The following TET3 variants were observed in gnomAD, a reference collection of about 807,000 sequenced individuals.
TET3 encodes the protein tet methylcytosine dioxygenase 3.
Under a neutral mutation model 141.4 loss-of-function variants are expected in TET3, and 19 were observed. That is an observed-to-expected ratio of 0.13 (90% CI 0.09 to 0.20). TET3 has a LOEUF of 0.20. Ranked by LOEUF, TET3 falls within the 10% of genes least tolerant of loss-of-function variation. The pLI, the probability that TET3 is intolerant of heterozygous loss-of-function variation, is 1.00. For synonymous variants in TET3, 1,043 were observed against 980.9 expected (o/e 1.06, Z -1.18); for missense variants, 1,874 against 2,356.9 (o/e 0.80, Z 4.24).
In TET3 at chr2:74,046,629, G is replaced by C; in HGVS notation, c.712G>C (p.Gly238Arg). ...TCGTGAGGCTGGGAACAACAGCAGG[G>C]GACCCCGGCCAGGGCCTGAGGGCTG... ...MSREAGNNSR[G>R]PRPGPEGCSA... The change falls in exon 4 of 12, where the codon GGA (glycine) becomes CGA (arginine). Residue 238 changes from glycine to arginine, a missense_variant. By Grantham distance (125) the Gly-to-Arg change is moderately radical. Around this residue, in one of 10 missense-constraint regions of TET3, gnomAD observed 366 missense variants for 487.0 expected, o/e 0.75. Coordinates refer to ENST00000409262, the MANE Select transcript of TET3 (RefSeq NM_001287491.2). The surrounding 1 kb of genome is among the most constrained non-coding windows in gnomAD (Gnocchi z 4.3). 3.1e-6 allele frequency: 5 copies of C among 1,614,060 alleles called. No individual in the cohort carries two copies. Among genetic ancestry groups the C allele is most frequent in the Non-Finnish European group, 4.2e-6 (5 of 1,179,898 alleles).
intron 6 of TET3, 78 bp downstream of exon 6, chr2:74,080,669 C>A (rs1216216202): frequency 1.5e-6 from 2 of 1,328,570 alleles, no homozygotes; most frequent in Non-Finnish European, 1.0e-6. Context: ...GCCTGGTTCC[C>A]CTTGCTGCAT....
intron 2 of TET3, among the ~76,000 whole-genome samples, chr2:73,988,435 A>G (rs556491375): frequency 2.0e-5 from 3 of 152,304 alleles, no homozygotes; most frequent in African/African-American, 4.8e-5. Flanking sequence ...GCCCTTGTGA[A>G]CTAAGTTGAA....
At position 74,106,267 on chromosome 2, in the gene TET3, G is replaced by C. The variant is rs1026838682; in HGVS notation, c.*4091G>C. 2 of 152,228 alleles carry C rather than the reference G, an allele frequency of 1.3e-5. No individual in the cohort carries two copies. Among genetic ancestry groups the C allele is most frequent in the African/African-American group, 4.8e-5 (2 of 41,436 alleles). The allele number at this position is 152,228 out of a possible 1,614,324, so 9.4% of individuals were successfully genotyped here. ...GATCGGGAGTGGGCCTGCCTGGCTT[G>C]GCAGGTGCTTTTTGGTTCCACACCT... On this transcript the variant is annotated 3_prime_UTR_variant, in exon 12 of 12. Coordinates refer to ENST00000409262, the MANE Select transcript of TET3 (RefSeq NM_001287491.2).
rs770074098 is a variant in TET3, at chr2:74,046,423, G to T, written c.506G>T (p.Gly169Val). The stretch of plus-strand genomic sequence containing the variant: ...GAGCCCGCTGGACCCAGTCTGCTGG[G>T]GACTGGGGGTCCTTGGCGGGTAGAC... ...AREPAGPSLL[G>V]TGGPWRVDQK... Residue 169 changes from glycine to valine, a missense_variant, in exon 4 of 12, where the codon GGG (glycine) becomes GTG (valine). By Grantham distance (109) the Gly-to-Val change is moderately radical. Transcript: ENST00000409262. This position sits in a 1 kb window ranked among gnomAD's most constrained non-coding sequence, Gnocchi z 4.3. 3 of 1,591,506 alleles carry T rather than the reference G, an allele frequency of 1.9e-6. No homozygotes were observed.
chr2:73,996,666 C>T (rs1283938402), intron 2 of TET3, among the ~76,000 whole-genome samples: 1 of 152,086 alleles, frequency 6.6e-6, no homozygotes, highest in African/African-American at 2.4e-5. Context: ...CACCACCACA[C>T]CTGAATAATT....
In TET3 at chr2:74,104,789, C is replaced by G. The variant is rs917081394; in HGVS notation, c.*2613C>G. 5.4e-6 allele frequency: 1 copy of G among 184,904 alleles called. No homozygotes were observed. Among genetic ancestry groups the G allele is most frequent in the Non-Finnish European group, 1.1e-5 (1 of 90,652 alleles). The allele number at this position is 184,904 out of a possible 1,614,324, so 11.5% of individuals were successfully genotyped here. ...AAGCTAAAAGCATGCGACGTCTGTC[C>G]CCCAGCCCAAACAGCCTTGGTTCAT... is the stretch of plus-strand genomic sequence containing the variant. On this transcript the variant is annotated 3_prime_UTR_variant, in exon 12 of 12. Coordinates refer to ENST00000409262, the MANE Select transcript of TET3 (RefSeq NM_001287491.2).
At position 74,105,178 on chromosome 2, in the gene TET3, A is replaced by G. The variant is rs946214553; in HGVS notation, c.*3002A>G. On this transcript the variant is annotated 3_prime_UTR_variant, in exon 12 of 12. Coordinates refer to ENST00000409262, the MANE Select transcript of TET3 (RefSeq NM_001287491.2). ...GAAGAAAAATAAAGCCATTGCAACT[A>G]AAGAACCTAACAGCATGACCAAGTT... The G allele has an allele frequency of 5.0e-6, 2 of 398,498 alleles. No homozygotes were observed. The highest frequency in any genetic ancestry group is 4.4e-5 in the Admixed American group (1 of 22,718). The allele number at this position is 398,498 out of a possible 1,614,324, so 24.7% of individuals were successfully genotyped here. A position where few individuals can be genotyped will look rare whatever the true frequency, so the allele number is the denominator to read the frequency against.
At chr2:74,120,195 GCCCGGCT>G in the TET3 span, among the ~76,000 whole-genome samples, 1 of 152,172 alleles carries the variant, frequency 6.6e-6, no homozygotes, top group East Asian at 1.9e-4. Context: ...CATTCTAGGC[GCCCGGCT>G]CCCGGCTCCC....
At chr2:74,002,962 G>T in intron 2 of TET3, 148 bp from the exon 3 acceptor site, 1 of 767,478 alleles carries the variant, frequency 1.3e-6, no homozygotes, top group African/African-American at 1.7e-5. Flanking sequence ...GAGGCAGGAA[G>T]ATGGTCCCAG....
At chr2:74,056,606 T>C (rs1031934653) in intron 4 of TET3, among the ~76,000 whole-genome samples, 1 of 152,184 alleles carries the variant, frequency 6.6e-6, no homozygotes, top group African/African-American at 2.4e-5. Flanking sequence ...TAGATCTTTC[T>C]TTAAGAAGAG....
At chr2:74,080,635 C>G in intron 6 of TET3, 44 bp downstream of exon 6, 5 of 1,575,026 alleles carry the variant, frequency 3.2e-6, no homozygotes, top group Non-Finnish European at 4.3e-6. Flanking sequence ...TGCCTGGTTC[C>G]CCTTGCTGCA....
At chr2:74,122,519 T>TA in the TET3 span, 1 of 109,278 alleles carries the variant, frequency 9.2e-6, no homozygotes, top group Non-Finnish European at 1.8e-5. Context: ...ATATTTTTTT[T>TA]TTTTTTTTTT....
chr2:74,047,649 A>G lies in TET3; in HGVS notation c.1732A>G (p.Lys578Glu). ...GCTTCCAGACAGACCACCCAAGGAG[A>G]AGAAGAAGAAGCTCCCAACACCAGC... ...PRLPDRPPKE[K>E]KKKLPTPAGG... Residue 578 changes from lysine (K) to glutamate (E), a missense_variant, in exon 4 of 12, where the codon AAG (lysine) becomes GAG (glutamate). Coordinates refer to ENST00000409262, the MANE Select transcript of TET3 (RefSeq NM_001287491.2). The G allele has an allele frequency of 6.2e-7, 1 of 1,612,640 alleles. No individual in the cohort carries two copies. Among genetic ancestry groups the G allele is most frequent in the Non-Finnish European group, 8.5e-7 (1 of 1,179,348 alleles).
rs977758992 is a variant in TET3, at chr2:73,991,474, T to C, written c.303+4768T>C. On this transcript the variant is annotated intron_variant, in intron 2 of 11. Coordinates refer to ENST00000409262, the MANE Select transcript of TET3 (RefSeq NM_001287491.2). ...GGTGGGTGCCTGTAATCCCAGCTCC[T>C]GAGGATTGGACAGATGAGAAGTCCA... Among the ~76,000 whole-genome samples the C allele has an allele frequency of 7.9e-5, 12 of 152,106 alleles. 1 individual carries two copies. The highest frequency in any genetic ancestry group is 7.8e-4 in the Admixed American group (12 of 15,296).
the TET3 span, chr2:74,122,507 A>ATTT: frequency 7.7e-5 from 5 of 65,150 alleles, no homozygotes; most frequent in African/African-American, 2.5e-4. Flanking sequence ...ATATATATAT[A>ATTT]TATATTTTTT....
rs1419178650 is a variant in TET3 at position 74,047,601 on chromosome 2, C to G, written c.1684C>G (p.Pro562Ala). 3.7e-6 allele frequency: 6 copies of G among 1,613,718 alleles called. No individual in the cohort carries two copies. The South Asian group carries it at 6.6e-5, about 18-fold the overall frequency. The stretch of plus-strand genomic sequence containing the variant: ...GCCTTCTGCTCCTGGCTGGTGGCCC[C>G]CACCAAGTTCACCTGTCCCACGGCT... The part of the protein sequence containing the change: ...SEPSAPGWWP[P>A]PSSPVPRLPD... Residue 562 changes from proline (P) to alanine (A), a missense_variant, in exon 4 of 12, where the codon CCA becomes GCA. Pro to Ala is a conservative substitution (Grantham distance 27, BLOSUM62 -1). Around this residue, in one of 10 missense-constraint regions of TET3, gnomAD observed 484 missense variants for 462.2 expected, o/e 1.05. Coordinates refer to ENST00000409262, the MANE Select transcript of TET3 (RefSeq NM_001287491.2).
intron 2 of TET3, among the ~76,000 whole-genome samples, chr2:73,991,037 G>T (rs1684295572): frequency 6.6e-6 from 1 of 151,940 alleles, no homozygotes; most frequent in African/African-American, 2.4e-5. Flanking sequence ...TTGAACTCCT[G>T]ACCTCAGGTG....
chr2:74,119,418 T>C, the TET3 span, among the ~76,000 whole-genome samples: 1 of 152,116 alleles, frequency 6.6e-6, no homozygotes, highest in Admixed American at 6.5e-5. Context: ...TGCAGAATGT[T>C]CCTCAATTTT....
chr2:74,084,446 T>C (rs1207199946), intron 6 of TET3, among the ~76,000 whole-genome samples: 2 of 151,310 alleles, frequency 1.3e-5, no homozygotes, highest in East Asian at 3.9e-4. Flanking sequence ...GGTAAGACCA[T>C]GTCTCTCTCT....
Sources: allele counts gnomAD v4.1 joint callset (sites outside exome capture counted in the v4.1 genomes callset), GRCh38; gene constraint gnomAD v4.1.1; regional missense constraint gnomAD v4.1.1; non-coding constraint Gnocchi (gnomAD v3.1); transcripts MANE v1.5; gene names NCBI Gene and HGNC (gene_info 2026-07-23, HGNC 2026-07-21).